The following CACNA2D3 variants were observed in gnomAD, a reference collection of about 807,000 sequenced individuals.
The protein encoded by CACNA2D3 is voltage-dependent calcium channel subunit alpha-2/delta-3.
Under a neutral mutation model 160.6 loss-of-function variants are expected in CACNA2D3, and 60 were observed. The ratio of observed to expected loss-of-function variants is 0.37; its 90% CI spans 0.30 to 0.46. The LOEUF is 0.46. Ranked by LOEUF, CACNA2D3 falls within the 20% of genes least tolerant of loss-of-function variation. The pLI is 1.00. For missense variants in CACNA2D3, 1,205 were observed against 1,365.0 expected, an observed-to-expected ratio of 0.88 and a Z score of 1.85; for synonymous variants, 558 against 492.9, an observed-to-expected ratio of 1.13 and a Z score of -1.75.
chr3:54,448,109 G>T (rs1008331541), intron 4 of CACNA2D3, among the ~76,000 whole-genome samples: 1 of 152,116 alleles, frequency 6.6e-6, no homozygotes, highest in African/African-American at 2.4e-5. Flanking sequence ...GTTCAGTCTC[G>T]TCTTCCTGGG....
intron 4 of CACNA2D3, among the ~76,000 whole-genome samples, chr3:54,450,017 T>C (rs906315702): frequency 8.5e-5 from 13 of 152,236 alleles, no homozygotes; most frequent in Admixed American, 7.2e-4. Flanking sequence ...GAAATAATTA[T>C]AATATTTAAG....
intron 11 of CACNA2D3, among the ~76,000 whole-genome samples, chr3:54,741,053 G>T (rs1038936109): frequency 2.0e-5 from 3 of 152,178 alleles, no homozygotes; most frequent in African/African-American, 7.2e-5. Flanking sequence ...CCAAGGCCAA[G>T]TGGGTCTTGG....
chr3:54,187,964 T>C (rs1205262900), intron 2 of CACNA2D3, among the ~76,000 whole-genome samples: 2 of 151,920 alleles, frequency 1.3e-5, no homozygotes, highest in East Asian at 3.9e-4. Context: ...TGACCTGATG[T>C]TTATCATACA....
intron 9 of CACNA2D3, among the ~76,000 whole-genome samples, chr3:54,624,379 T>C (rs1699050156): frequency 6.6e-6 from 1 of 152,122 alleles, no homozygotes; most frequent in East Asian, 1.9e-4. Flanking sequence ...TCCCAGCACT[T>C]TGGGAGGCTG....
Position 54,127,816 on chromosome 3 carries a change from A to T in CACNA2D3, c.204+4222A>T, listed in dbSNP as rs76530177. Among the ~76,000 whole-genome samples the T allele has an allele frequency of 4.0e-3, 611 of 152,326 alleles. 4 individuals are homozygous for T. Among genetic ancestry groups the T allele is most frequent in the African/African-American group, 0.014 (595 of 41,568 alleles). On this transcript the variant is annotated intron_variant, in intron 2 of 37. Transcript: ENST00000474759. ...AGCAGAGCAGGGCAAACCAATGAGCATTCAGTTTGTGCCTCTTATGCATAT... is the reference window on the plus strand; with the variant it reads ...AGCAGAGCAGGGCAAACCAATGAGCTTTCAGTTTGTGCCTCTTATGCATAT...
At chr3:54,198,793 C>T (rs1701125246) in intron 2 of CACNA2D3, among the ~76,000 whole-genome samples, 1 of 152,260 alleles carries the variant, frequency 6.6e-6, no homozygotes, top group African/African-American at 2.4e-5. Context: ...CCAGACCTCC[C>T]TGCAGCTAGA....
chr3:54,327,791 C>G (rs1553624046), intron 3 of CACNA2D3, among the ~76,000 whole-genome samples: 1 of 152,082 alleles, frequency 6.6e-6, no homozygotes, highest in Non-Finnish European at 1.5e-5. Context: ...TTTGTCCTTA[C>G]AGGTTTTTTT....
At chr3:54,350,709 A>G (rs1698536898) in intron 3 of CACNA2D3, among the ~76,000 whole-genome samples, 1 of 152,222 alleles carries the variant, frequency 6.6e-6, no homozygotes, top group Non-Finnish European at 1.5e-5. Context: ...CAAATGCTCC[A>G]CAAGAGTGAG....
At position 55,073,602 on chromosome 3, in the gene CACNA2D3, A is replaced by C. The variant is rs1173010407; in HGVS notation, c.3100+45A>C. 10 of 1,478,462 alleles carry C rather than the reference A, an allele frequency of 6.8e-6. No individual in the cohort carries two copies. In the East Asian group the frequency reaches 2.3e-4, roughly 33 times the overall value. The allele number at this position is 1,478,462 out of a possible 1,614,324, so 91.6% of individuals were successfully genotyped here. ...TCCACTCACTACCACGGAAACCAGT[A>C]AGGGGTATCAGTGGTAAGGAAACCT... On this transcript the variant is annotated intron_variant, in intron 36 of 37. Transcript: ENST00000474759.
At chr3:54,656,611 G>C (rs1699878214) in intron 11 of CACNA2D3, among the ~76,000 whole-genome samples, 1 of 152,222 alleles carries the variant, frequency 6.6e-6, no homozygotes, top group African/African-American at 2.4e-5. Context: ...GCTAGGAAAA[G>C]TGCCCAGTGT....
intron 3 of CACNA2D3, among the ~76,000 whole-genome samples, chr3:54,382,523 C>A (rs1253588910): frequency 6.6e-6 from 1 of 152,214 alleles, no homozygotes; most frequent in African/African-American, 2.4e-5. Flanking sequence ...TGACTCACGC[C>A]TGTAATCCCA....
At chr3:54,604,652 T>C (rs1703130995) in intron 9 of CACNA2D3, among the ~76,000 whole-genome samples, 1 of 152,138 alleles carries the variant, frequency 6.6e-6, no homozygotes, top group Non-Finnish European at 1.5e-5. Context: ...CTGGCCACGC[T>C]TTACCCACTC....
chr3:55,023,544 C>G (rs961037303), intron 35 of CACNA2D3, among the ~76,000 whole-genome samples: 1 of 152,038 alleles, frequency 6.6e-6, no homozygotes, highest in Non-Finnish European at 1.5e-5. Context: ...AGTATCAATC[C>G]TCTTTTTTCT....
intron 3 of CACNA2D3, among the ~76,000 whole-genome samples, chr3:54,374,605 G>A (rs956260179): frequency 6.6e-6 from 1 of 152,168 alleles, no homozygotes. Context: ...TTCGTTCAGT[G>A]TTCCTCCTGA....
intron 27 of CACNA2D3, among the ~76,000 whole-genome samples, chr3:54,911,504 A>T (rs1045159613): frequency 9.9e-5 from 15 of 151,408 alleles, no homozygotes; most frequent in African/African-American, 3.6e-4. Flanking sequence ...TTGAATCAGG[A>T]TCTGGAAGTC....
chr3:54,711,256 C>T (rs1700947090), intron 11 of CACNA2D3, among the ~76,000 whole-genome samples: 1 of 152,176 alleles, frequency 6.6e-6, no homozygotes, highest in Admixed American at 6.5e-5. Flanking sequence ...TCCACATTGC[C>T]TTACTAAATG....
intron 2 of CACNA2D3, among the ~76,000 whole-genome samples, chr3:54,319,318 A>C (rs1703939072): frequency 6.6e-6 from 1 of 152,164 alleles, no homozygotes. Flanking sequence ...TCTGCCATTA[A>C]AATGTAATAC....
At chr3:54,900,192 T>G (rs943460383) in intron 27 of CACNA2D3, among the ~76,000 whole-genome samples, 1 of 152,172 alleles carries the variant, frequency 6.6e-6, no homozygotes, top group African/African-American at 2.4e-5. Context: ...GATCTCCAGC[T>G]TCTGTGTCAT....
At chr3:54,247,715 A>T (rs1702107767) in intron 2 of CACNA2D3, among the ~76,000 whole-genome samples, 1 of 152,192 alleles carries the variant, frequency 6.6e-6, no homozygotes, top group African/African-American at 2.4e-5. Context: ...TAAAGCAGGA[A>T]ACCACAACTA....
Sources: gnomAD v4.1 joint callset for allele counts (sites outside exome capture counted in the v4.1 genomes callset) on GRCh38, gnomAD v4.1.1 for gene constraint, MANE v1.5 for transcripts, NCBI Gene and HGNC (gene_info 2026-07-23, HGNC 2026-07-21) for gene names.